BRD10: variants seen among roughly 807,000 people sequenced by gnomAD.
The protein encoded by BRD10 is bromodomain containing 10, also known as uncharacterized bromodomain-containing protein 10.
chr9:5,891,538 TAA>T, the BRD10 span, among the ~76,000 whole-genome samples: 1 of 152,186 alleles, frequency 6.6e-6, no homozygotes, highest in Non-Finnish European at 1.5e-5. Flanking sequence ...TGGGGCTCAT[TAA>T]TATAATTCTA....
the BRD10 span, chr9:5,921,485 T>C: frequency 6.2e-7 from 1 of 1,613,966 alleles, no homozygotes; most frequent in Non-Finnish European, 8.5e-7. Context: ...AACTAATTTC[T>C]GGGCAGAAAC....
At chr9:5,902,746 GTCC>G in the BRD10 span, among the ~76,000 whole-genome samples, 1 of 151,614 alleles carries the variant, frequency 6.6e-6, no homozygotes, top group East Asian at 1.9e-4. Context: ...GCTTCAAGCA[GTCC>G]TCCTGCCTTG....
At chr9:5,891,255 A>T in the BRD10 span, 1 of 152,332 alleles carries the variant, frequency 6.6e-6, no homozygotes, top group African/African-American at 2.4e-5. Flanking sequence ...GAGTAGTAAG[A>T]GGCGCATTTG....
the BRD10 span, among the ~76,000 whole-genome samples, chr9:5,914,685 A>G: frequency 6.6e-6 from 1 of 151,960 alleles, no homozygotes; most frequent in African/African-American, 2.4e-5. Context: ...GGCCTCCCAA[A>G]GTGCTGGGAT....
At chr9:5,990,064 G>T in the BRD10 span, among the ~76,000 whole-genome samples, 1 of 152,156 alleles carries the variant, frequency 6.6e-6, no homozygotes, top group African/African-American at 2.4e-5. Flanking sequence ...ATAAGGGCAT[G>T]AATGTTAAAT....
At chr9:5,995,461 C>T in the BRD10 span, among the ~76,000 whole-genome samples, 29,091 of 152,174 alleles carry the variant, frequency 0.19, 2,991 homozygotes, top group Middle Eastern at 0.3. Flanking sequence ...AGCCTTCAAA[C>T]TCTCTTTCTC....
the BRD10 span, among the ~76,000 whole-genome samples, chr9:5,895,198 G>C: frequency 6.6e-6 from 1 of 152,202 alleles, no homozygotes; most frequent in South Asian, 2.1e-4. Flanking sequence ...CAGTCTGTGA[G>C]TGTAGGAACC....
chr9:5,953,602 G>A, the BRD10 span, among the ~76,000 whole-genome samples: 2 of 151,652 alleles, frequency 1.3e-5, no homozygotes, highest in Non-Finnish European at 2.9e-5. Context: ...AAATGAAAAC[G>A]AACTATCTAG....
the BRD10 span, among the ~76,000 whole-genome samples, chr9:5,964,572 C>G: frequency 7.4e-6 from 1 of 134,350 alleles, no homozygotes; most frequent in South Asian, 2.7e-4. Flanking sequence ...ACCCAAATGA[C>G]TATAAATCAT....
chr9:5,992,230 T>A, the BRD10 span, among the ~76,000 whole-genome samples: 1 of 152,224 alleles, frequency 6.6e-6, no homozygotes, highest in Non-Finnish European at 1.5e-5. Flanking sequence ...CTTTGTTTTG[T>A]TAATGACTGT....
chr9:5,997,120 C>T, the BRD10 span, among the ~76,000 whole-genome samples: 1 of 152,190 alleles, frequency 6.6e-6, no homozygotes, highest in South Asian at 2.1e-4. Context: ...CAAGTCTTAG[C>T]GCCTGCCTAC....
chr9:5,968,561 T>C, the BRD10 span: 4 of 1,613,934 alleles, frequency 2.5e-6, no homozygotes, highest in Admixed American at 3.3e-5. Flanking sequence ...AGAGATGTCA[T>C]GATTATCCAA....
the BRD10 span, among the ~76,000 whole-genome samples, chr9:5,924,187 A>G: frequency 6.6e-6 from 1 of 152,338 alleles, no homozygotes; most frequent in Admixed American, 6.5e-5. Flanking sequence ...GGGATTACAG[A>G]TCAAGGGTGT....
the BRD10 span, among the ~76,000 whole-genome samples, chr9:5,942,226 T>G: frequency 1.3e-5 from 2 of 152,104 alleles, no homozygotes; most frequent in Non-Finnish European, 2.9e-5. Flanking sequence ...ACAATATTGT[T>G]ATTCATAACG....
chr9:5,919,874 G>C, the BRD10 span: 1 of 1,613,884 alleles, frequency 6.2e-7, no homozygotes, highest in Non-Finnish European at 8.5e-7. Flanking sequence ...TTTGACAGGT[G>C]GGTCCAAATG....
chr9:5,922,954 A>G, the BRD10 span: 1 of 1,613,966 alleles, frequency 6.2e-7, no homozygotes, highest in Non-Finnish European at 8.5e-7. Context: ...CTTTATTCCC[A>G]ATATTCTTTG....
chr9:5,995,593 C>G, the BRD10 span, among the ~76,000 whole-genome samples: 1 of 152,146 alleles, frequency 6.6e-6, no homozygotes, highest in Non-Finnish European at 1.5e-5. Flanking sequence ...CTTGGAGCTA[C>G]TCCACTGAAA....
the BRD10 span, among the ~76,000 whole-genome samples, chr9:5,971,987 C>T: frequency 6.6e-6 from 1 of 152,156 alleles, no homozygotes; most frequent in African/African-American, 2.4e-5. Flanking sequence ...ATTCACATTT[C>T]CTGAGTGCCC....
At chr9:6,001,332 C>T in the BRD10 span, among the ~76,000 whole-genome samples, 2 of 143,616 alleles carry the variant, frequency 1.4e-5, no homozygotes, top group Non-Finnish European at 3.1e-5. Flanking sequence ...TTAGTCGCAA[C>T]CTGTGATGGA....
Sources: allele counts gnomAD v4.1 joint callset (sites outside exome capture counted in the v4.1 genomes callset), GRCh38; gene constraint gnomAD v4.1.1; transcripts MANE v1.5; gene names NCBI Gene and HGNC (gene_info 2026-07-23, HGNC 2026-07-21).